Variants in MCHR2 observed in about 807,000 individuals in gnomAD.
The protein encoded by MCHR2 is melanin-concentrating hormone receptor 2.
A neutral mutation model predicts 24.8 loss-of-function variants in MCHR2; 15 were observed. The observed-to-expected ratio is 0.60, with a 90% CI of 0.40 to 0.93. The LOEUF is 0.93. MCHR2 is among the 40% of genes least tolerant of loss of function. The pLI is 0.00. For synonymous variants in MCHR2, 151 were observed against 147.6 expected (o/e 1.02, Z -0.17); for missense variants, 386 against 408.7 (o/e 0.94, Z 0.48).
rs149604076 is a variant in MCHR2, at chr6:99,967,456, T to A, written c.-27-11282A>T. On this transcript the variant is annotated intron_variant, in intron 1 of 5. Coordinates refer to ENST00000281806, the MANE Select transcript of MCHR2 (RefSeq NM_001040179.2). Reference sequence around the variant, plus strand: ...AAGACCTAACAGATGATGAGCTTACTTACATGGCAGTGATAATTTCATAGT... The same window carrying A: ...AAGACCTAACAGATGATGAGCTTACATACATGGCAGTGATAATTTCATAGT... Among the ~76,000 whole-genome samples, 414 of 152,286 alleles carry A rather than the reference T, an allele frequency of 2.7e-3. 2 individuals are homozygous for A. Among genetic ancestry groups the A allele is most frequent in the African/African-American group, 9.5e-3 (397 of 41,576 alleles).
intron 4 of MCHR2, among the ~76,000 whole-genome samples, chr6:99,940,992 C>T (rs1480793206): frequency 6.6e-6 from 1 of 152,170 alleles, no homozygotes; most frequent in Non-Finnish European, 1.5e-5. Flanking sequence ...TACTTTGTCT[C>T]TGCCTGTTCT....
intron 3 of MCHR2, among the ~76,000 whole-genome samples, chr6:99,943,420 G>A (rs1481306461): frequency 1.3e-5 from 2 of 150,904 alleles, no homozygotes; most frequent in Admixed American, 1.3e-4. Context: ...GTGCCATGCT[G>A]GTGTGCTGCA....
chr6:99,981,635 A>G (rs903035452), intron 1 of MCHR2, among the ~76,000 whole-genome samples: 3 of 152,166 alleles, frequency 2.0e-5, no homozygotes, highest in African/African-American at 7.2e-5. Flanking sequence ...GTTGTGAGGA[A>G]ATGAGATGTA....
intron 1 of MCHR2, among the ~76,000 whole-genome samples, chr6:99,970,151 G>T (rs945421430): frequency 4.0e-5 from 6 of 151,040 alleles, no homozygotes; most frequent in African/African-American, 1.2e-4. Context: ...TTCCACAATG[G>T]TTGAACTAGT....
chr6:99,945,694 A>G (rs377080583), intron 3 of MCHR2, among the ~76,000 whole-genome samples: 1 of 152,178 alleles, frequency 6.6e-6, no homozygotes, highest in Non-Finnish European at 1.5e-5. Context: ...TAGTGGAGTT[A>G]GAATTACAAG....
At chr6:99,944,978 C>T (rs1187676877) in intron 3 of MCHR2, among the ~76,000 whole-genome samples, 1 of 152,132 alleles carries the variant, frequency 6.6e-6, no homozygotes, top group Non-Finnish European at 1.5e-5. Context: ...CTTCTTCTTG[C>T]TCTTCCTTCA....
At chr6:99,924,656 C>T (rs1195399707) in intron 5 of MCHR2, among the ~76,000 whole-genome samples, 2 of 152,018 alleles carry the variant, frequency 1.3e-5, no homozygotes, top group Non-Finnish European at 2.9e-5. Flanking sequence ...TCTTCTTTGA[C>T]CCACTGGTCA....
At chr6:99,980,218 T>C (rs1775638659) in intron 1 of MCHR2, among the ~76,000 whole-genome samples, 1 of 152,194 alleles carries the variant, frequency 6.6e-6, no homozygotes, top group Non-Finnish European at 1.5e-5. Context: ...CAGGTACACA[T>C]ATAAATTTTC....
chr6:99,971,140 A>G (rs1775408663), intron 1 of MCHR2, among the ~76,000 whole-genome samples: 6 of 152,120 alleles, frequency 3.9e-5, no homozygotes, highest in Non-Finnish European at 1.5e-5. Flanking sequence ...TGAATCTGTA[A>G]ATTATCTTGG....
At chr6:99,982,491 A>AAAAAG (rs1775689904) in intron 1 of MCHR2, among the ~76,000 whole-genome samples, 1 of 149,582 alleles carries the variant, frequency 6.7e-6, no homozygotes, top group Non-Finnish European at 1.5e-5. Context: ...AAAAAAAAAA[A>AAAAAG]AGCCAGGTGT....
In MCHR2 at chr6:99,956,179, G is replaced by A. The variant is rs757687858; in HGVS notation, c.-27-5C>T. The A allele has an allele frequency of 4.6e-6, 7 of 1,515,556 alleles. No homozygotes were observed. The highest frequency in any genetic ancestry group is 6.3e-6 in the Non-Finnish European group (7 of 1,112,318). The allele number at this position is 1,515,556 out of a possible 1,614,324, so 93.9% of individuals were successfully genotyped here. On this transcript the variant is annotated splice_region_variant and splice_polypyrimidine_tract_variant and intron_variant, in intron 1 of 5. Coordinates refer to ENST00000281806, the MANE Select transcript of MCHR2 (RefSeq NM_001040179.2). Reference sequence around the variant, plus strand: ...TGGACTTTCCAGGGATTAAAGCTGTGAAGTAATAGGAAGTGATTTATTTAG... The same window carrying A: ...TGGACTTTCCAGGGATTAAAGCTGTAAAGTAATAGGAAGTGATTTATTTAG...
chr6:99,956,263 CTT>C, intron 1 of MCHR2, 89 bp from the exon 2 acceptor site: 1 of 962,498 alleles, frequency 1.0e-6, no homozygotes, highest in Non-Finnish European at 1.5e-6. Context: ...TTTGGAACCT[CTT>C]TTTTAAAACC....
In MCHR2 at chr6:99,930,946, C is replaced by T. The variant is rs1170264102; in HGVS notation, c.707+3452G>A. On this transcript the variant is annotated intron_variant, in intron 5 of 5. Transcript: ENST00000281806. ...TTTTAGAGTTTCCAGTTTTTCTGCT[C>T]TGTTTTTTCCCCATCTTTGTGGTTT... Among the ~76,000 whole-genome samples, 4 of 152,254 alleles carry T rather than the reference C, an allele frequency of 2.6e-5. No individual in the cohort carries two copies. In the South Asian group the frequency reaches 8.3e-4, roughly 32 times the overall value.
intron 1 of MCHR2, among the ~76,000 whole-genome samples, chr6:99,968,890 G>T (rs1010889438): frequency 4.6e-5 from 7 of 151,894 alleles, no homozygotes; most frequent in Non-Finnish European, 5.9e-5. Flanking sequence ...GGCCAGATAA[G>T]TCTGAAGGGA....
intron 1 of MCHR2, among the ~76,000 whole-genome samples, chr6:99,971,098 G>A (rs1483484601): frequency 6.6e-6 from 1 of 152,150 alleles, no homozygotes; most frequent in East Asian, 1.9e-4. Context: ...ATTCTGTGAA[G>A]AAAGTCATTG....
intron 5 of MCHR2, among the ~76,000 whole-genome samples, chr6:99,930,079 A>G (rs1194230193): frequency 6.6e-6 from 1 of 151,322 alleles, no homozygotes; most frequent in Non-Finnish European, 1.5e-5. Flanking sequence ...AAAGTATTTT[A>G]TTTCTCCTTC....
At chr6:99,927,143 TG>T (rs879759371) in intron 5 of MCHR2, among the ~76,000 whole-genome samples, 1 of 152,144 alleles carries the variant, frequency 6.6e-6, no homozygotes, top group Non-Finnish European at 1.5e-5. Context: ...ATCAGATAGT[TG>T]TAGATATGCA....
chr6:99,961,214 C>CT (rs930740915), intron 1 of MCHR2, among the ~76,000 whole-genome samples: 36 of 148,022 alleles, frequency 2.4e-4, no homozygotes, highest in Non-Finnish European at 3.0e-4. Context: ...TTTAGGAACA[C>CT]TTTTTTTTTT....
intron 1 of MCHR2, among the ~76,000 whole-genome samples, chr6:99,962,915 C>T (rs1456051215): frequency 6.6e-6 from 1 of 151,908 alleles, no homozygotes; most frequent in African/African-American, 2.4e-5. Flanking sequence ...AAGCAAATAA[C>T]TCGATTTAAA....
Sources: allele counts gnomAD v4.1 joint callset (sites outside exome capture counted in the v4.1 genomes callset), GRCh38; gene constraint gnomAD v4.1.1; transcripts MANE v1.5; gene names NCBI Gene and HGNC (gene_info 2026-07-23, HGNC 2026-07-21).